The following CSMD1 variants were observed in gnomAD, a reference collection of about 807,000 sequenced individuals.
The protein encoded by CSMD1 is CUB and sushi domain-containing protein 1.
Under a neutral mutation model 417.5 loss-of-function variants are expected in CSMD1, and 213 were observed. The ratio of observed to expected loss-of-function variants is 0.51; its 90% CI spans 0.46 to 0.57. The LOEUF (loss-of-function observed/expected upper bound fraction) is 0.57, where lower values mean the gene tolerates loss of function less well. Among genes scored for constraint, CSMD1 ranks in the 20% least tolerant of loss-of-function variants. The pLI, the probability that CSMD1 is intolerant of heterozygous loss-of-function variation, is 0.00. For synonymous variants in CSMD1, 2,862 were observed against 1,736.8 expected (o/e 1.65, Z -16.11); for missense variants, 6,923 against 4,529.7 (o/e 1.53, Z -15.17).
chr8:3,821,654 T>A (rs532813427), intron 5 of CSMD1, among the ~76,000 whole-genome samples: 1 of 152,242 alleles, frequency 6.6e-6, no homozygotes, highest in African/African-American at 2.4e-5. Flanking sequence ...TGGTGGCACA[T>A]GCCTGTAATC....
chr8:4,191,528 C>T (rs1407540159), intron 3 of CSMD1, among the ~76,000 whole-genome samples: 1 of 152,150 alleles, frequency 6.6e-6, no homozygotes, highest in Non-Finnish European at 1.5e-5. Flanking sequence ...GTCACTAAAA[C>T]ATGTGTCTCA....
At chr8:4,899,512 C>T (rs1173004922) in intron 1 of CSMD1, among the ~76,000 whole-genome samples, 1 of 152,098 alleles carries the variant, frequency 6.6e-6, no homozygotes, top group African/African-American at 2.4e-5. Context: ...CTCATTGTCT[C>T]ACAAAATAAG....
chr8:3,076,167 C>G (rs559542870), intron 49 of CSMD1, among the ~76,000 whole-genome samples: 1 of 152,182 alleles, frequency 6.6e-6, no homozygotes, highest in Non-Finnish European at 1.5e-5. Flanking sequence ...AATGGATTTT[C>G]TCACAGTCCT....
intron 51 of CSMD1, among the ~76,000 whole-genome samples, chr8:3,026,347 C>T (rs1809919478): frequency 6.6e-6 from 1 of 151,814 alleles, no homozygotes; most frequent in Non-Finnish European, 1.5e-5. Flanking sequence ...TCGCTGGATC[C>T]CACTGGAGCC....
At position 4,628,405 on chromosome 8, in the gene CSMD1, TAC is replaced by T. The variant is rs1554528899; in HGVS notation, c.302+8935_302+8936del. Among the ~76,000 whole-genome samples, 230 of 113,976 alleles carry T rather than the reference TAC, an allele frequency of 2.0e-3. 1 individual carries two copies. The highest frequency in any genetic ancestry group is 8.6e-3 in the South Asian group (31 of 3,602). 74.8% of individuals were successfully genotyped at this position (113,976 alleles called of 152,430 possible). On this transcript the variant is annotated intron_variant, in intron 2 of 69. Transcript: ENST00000635120. ...ACACACATATATATACACATATATA[TAC>T]ACATATATATACATATATATACACA...
At chr8:3,144,483 G>C (rs1355223539) in intron 40 of CSMD1, among the ~76,000 whole-genome samples, 2 of 152,004 alleles carry the variant, frequency 1.3e-5, no homozygotes, top group African/African-American at 2.4e-5. Flanking sequence ...GCAAAATTTA[G>C]AATTCTTTTT....
chr8:4,153,617 T>A (rs577635459), intron 3 of CSMD1, among the ~76,000 whole-genome samples: 1 of 152,310 alleles, frequency 6.6e-6, no homozygotes, highest in East Asian at 1.9e-4. Flanking sequence ...CTGCTCTGTT[T>A]CCTCTCTTCA....
At chr8:4,231,177 A>G (rs116058308) in intron 3 of CSMD1, among the ~76,000 whole-genome samples, 1 of 152,332 alleles carries the variant, frequency 6.6e-6, no homozygotes, top group African/African-American at 2.4e-5. Context: ...TGTTTAAAAT[A>G]CACATCAATT....
chr8:3,590,535 C>A (rs989248804), intron 8 of CSMD1, among the ~76,000 whole-genome samples: 1 of 152,144 alleles, frequency 6.6e-6, no homozygotes, highest in African/African-American at 2.4e-5. Context: ...GTCCAGAAAT[C>A]TCTGCGCACA....
intron 17 of CSMD1, among the ~76,000 whole-genome samples, chr8:3,392,155 T>A (rs529465767): frequency 6.6e-6 from 1 of 151,332 alleles, no homozygotes; most frequent in African/African-American, 2.4e-5. Flanking sequence ...TACCTAATGT[T>A]AAATGATGAG....
chr8:3,330,221 G>T (rs1040073811), intron 23 of CSMD1, among the ~76,000 whole-genome samples: 2 of 152,118 alleles, frequency 1.3e-5, no homozygotes, highest in Admixed American at 6.5e-5. Flanking sequence ...AAACAATGAA[G>T]GAACATATGG....
intron 8 of CSMD1, among the ~76,000 whole-genome samples, chr8:3,609,423 C>A (rs1283100726): frequency 6.6e-6 from 1 of 152,188 alleles, no homozygotes; most frequent in Non-Finnish European, 1.5e-5. Flanking sequence ...AAACTGTCCC[C>A]AAACTGACTT....
rs531377097 is a variant in CSMD1, at chr8:3,829,889, T to C, written c.819-75847A>G. Among the ~76,000 whole-genome samples the C allele has an allele frequency of 5.9e-5, 9 of 152,254 alleles. No individual in the cohort carries two copies. The South Asian group carries it at 6.2e-4, about 11-fold the overall frequency. On this transcript the variant is annotated intron_variant, in intron 5 of 69. Coordinates refer to ENST00000635120, the MANE Select transcript of CSMD1 (RefSeq NM_033225.6). ...GAAAACACTGTTATGTGAACATCTA[T>C]CTACATAGATCTATTGGGAAAATGA... is the stretch of plus-strand genomic sequence containing the variant.
intron 26 of CSMD1, among the ~76,000 whole-genome samples, chr8:3,261,696 A>T (rs1801069990): frequency 6.6e-6 from 1 of 152,060 alleles, no homozygotes; most frequent in African/African-American, 2.4e-5. Context: ...TCATGCAACA[A>T]GCCGGCCCCA....
intron 1 of CSMD1, among the ~76,000 whole-genome samples, chr8:4,720,404 A>G (rs938223396): frequency 1.1e-4 from 17 of 152,020 alleles, no homozygotes; most frequent in African/African-American, 4.1e-4. Flanking sequence ...ATCAGCTACT[A>G]CTTCTCATTT....
chr8:3,089,752 T>TTCTC (rs61677108), intron 48 of CSMD1, among the ~76,000 whole-genome samples: 15 of 151,218 alleles, frequency 9.9e-5, no homozygotes, highest in African/African-American at 3.1e-4. Flanking sequence ...CTGCCTCTCT[T>TTCTC]TCTCTCTCTC....
intron 3 of CSMD1, among the ~76,000 whole-genome samples, chr8:4,365,735 C>G (rs1016031341): frequency 1.3e-5 from 2 of 152,098 alleles, no homozygotes; most frequent in Non-Finnish European, 2.9e-5. Context: ...GCTGAGCTTC[C>G]AGATTTGAAT....
At chr8:3,007,556 T>C (rs1333461953) in intron 52 of CSMD1, among the ~76,000 whole-genome samples, 1 of 151,096 alleles carries the variant, frequency 6.6e-6, no homozygotes, top group Non-Finnish European at 1.5e-5. Flanking sequence ...ATTAAGAAAA[T>C]GTGGCACATA....
intron 1 of CSMD1, among the ~76,000 whole-genome samples, chr8:4,861,267 T>A (rs1487166768): frequency 6.6e-6 from 1 of 152,148 alleles, no homozygotes; most frequent in East Asian, 1.9e-4. Context: ...ATTCAGAAAG[T>A]CACAGCAACA....
Sources: gnomAD v4.1 joint callset for allele counts (sites outside exome capture counted in the v4.1 genomes callset) on GRCh38, gnomAD v4.1.1 for gene constraint, MANE v1.5 for transcripts, NCBI Gene and HGNC (gene_info 2026-07-23, HGNC 2026-07-21) for gene names.